SIM2: variants seen among roughly 807,000 people sequenced by gnomAD.
SIM2 encodes the protein SIM bHLH transcription factor 2.
A neutral mutation model predicts 64.8 loss-of-function variants in SIM2; 28 were observed. That is an observed-to-expected ratio of 0.43 (90% CI 0.32 to 0.59). The LOEUF (loss-of-function observed/expected upper bound fraction) is 0.59, where lower values mean the gene tolerates loss of function less well. SIM2 is among the 20% of genes least tolerant of loss of function. The pLI, the probability that SIM2 is intolerant of heterozygous loss-of-function variation, is 0.07. For synonymous variants in SIM2, 408 were observed against 391.1 expected (o/e 1.04, Z -0.51); for missense variants, 847 against 871.4 (o/e 0.97, Z 0.35).
At chr21:36,723,534 G>A (rs556681313) in intron 5 of SIM2, among the ~76,000 whole-genome samples, 3 of 152,292 alleles carry the variant, frequency 2.0e-5, no homozygotes, top group Admixed American at 6.5e-5. Flanking sequence ...GTTCCCTGCC[G>A]CCGATGACGG....
At position 36,748,131 on chromosome 21, in the gene SIM2, C is replaced by G. The variant is rs1299931855; in HGVS notation, c.*39C>G. On this transcript the variant is annotated 3_prime_UTR_variant, in exon 11 of 11. Coordinates refer to ENST00000290399, the MANE Select transcript of SIM2 (RefSeq NM_005069.6). ...CGCGCCAGGAGCCTGGACCCGGCCT[C>G]CCGGGGCTGCGGCGCCACCGAGCCC... 8.8e-7 allele frequency: 1 copy of G among 1,133,552 alleles called. No individual in the cohort carries two copies. The highest frequency in any genetic ancestry group is 1.6e-5 in the African/African-American group (1 of 61,402). The allele number at this position is 1,133,552 out of a possible 1,614,324, so 70.2% of individuals were successfully genotyped here.
chr21:36,712,904 G>A (rs976238031), intron 3 of SIM2, among the ~76,000 whole-genome samples: 13 of 152,152 alleles, frequency 8.5e-5, no homozygotes, highest in Non-Finnish European at 1.8e-4. Context: ...CGGACTATCT[G>A]CTTATGTAGT....
At chr21:36,723,552 C>A (rs2088852237) in intron 5 of SIM2, among the ~76,000 whole-genome samples, 1 of 152,204 alleles carries the variant, frequency 6.6e-6, no homozygotes, top group Non-Finnish European at 1.5e-5. Context: ...CGGTGTGCAC[C>A]ACAATAATGC....
intron 1 of SIM2, among the ~76,000 whole-genome samples, chr21:36,708,410 G>A (rs556877183): frequency 6.6e-6 from 1 of 152,358 alleles, no homozygotes; most frequent in Non-Finnish European, 1.5e-5. Context: ...TGGTGAAGAA[G>A]GGCAGGAGGC....
chr21:36,720,464 A>G (rs2088810493), intron 4 of SIM2: 2 of 154,714 alleles, frequency 1.3e-5, no homozygotes, highest in Non-Finnish European at 1.4e-5. Flanking sequence ...TATCATAGGA[A>G]AGTTTTGCAG....
rs2088845893 is a variant in SIM2, at chr21:36,723,109, C to A, written c.522C>A (p.Gly174=). 1.2e-6 allele frequency: 2 copies of A among 1,614,036 alleles called. No individual in the cohort carries two copies. Among genetic ancestry groups the A allele is most frequent in the Non-Finnish European group, 1.7e-6 (2 of 1,179,970 alleles). ...MKCVLAKRNA[G]LTCSGYKVIH... Reference sequence around the variant, plus strand: ...GTGTCTTGGCGAAAAGGAACGCGGGCCTGACCTGCAGCGGATACAAGGTAC... The same window carrying A: ...GTGTCTTGGCGAAAAGGAACGCGGGACTGACCTGCAGCGGATACAAGGTAC... Residue 174 remains glycine (G), a synonymous_variant, in exon 5 of 11, where the codon GGC becomes GGA. Transcript: ENST00000290399.
In SIM2 at chr21:36,747,705, GC is replaced by G; in HGVS notation, c.1622del (p.Pro541ArgfsTer165). 3.1e-6 allele frequency: 4 copies of G among 1,281,334 alleles called. No homozygotes were observed. The highest frequency in any genetic ancestry group is 2.4e-5 in the South Asian group (1 of 41,116). 79.4% of individuals were successfully genotyped at this position (1,281,334 alleles called of 1,614,324 possible). A position where few individuals can be genotyped will look rare whatever the true frequency, so the allele number is the denominator to read the frequency against. ...AVRRFGEDTAPPSFPSCGHYR... is the reference protein window; with the variant it reads ...AVRRFGEDTAXPSFPSCGHYR... ...TGCGCAGGTTCGGCGAGGACACCGC[GC>G]CCCCGAGCTTCCCGAGCTGCGGCCA... On this transcript the variant is annotated frameshift_variant, in exon 11 of 11. Coordinates refer to ENST00000290399, the MANE Select transcript of SIM2 (RefSeq NM_005069.6). LOFTEE classifies it low-confidence loss of function (END_TRUNC). The surrounding 1 kb of genome is among the most constrained non-coding windows in gnomAD (Gnocchi z 4.5).
At chr21:36,723,015 C>T (rs754449857) in intron 4 of SIM2, 30 bp from the exon 5 acceptor site, 41 of 1,578,898 alleles carry the variant, frequency 2.6e-5, no homozygotes, top group Non-Finnish European at 3.1e-5. Context: ...GGAGGGACAG[C>T]TGCCAACCTC....
intron 7 of SIM2, 134 bp downstream of exon 7, chr21:36,731,285 G>C (rs1254890112): frequency 4.7e-6 from 3 of 636,412 alleles, no homozygotes; most frequent in Non-Finnish European, 8.0e-6. Context: ...CAAGCCCCAA[G>C]TGTGGCTTCC....
rs574175218 is a variant in SIM2, at chr21:36,722,785, G to A, written c.458-260G>A. On this transcript the variant is annotated intron_variant, in intron 4 of 10. Coordinates refer to ENST00000290399, the MANE Select transcript of SIM2 (RefSeq NM_005069.6). Reference sequence around the variant, plus strand: ...GGGCGACGGCAGGTGGAGCTCTGCAGGGCCCATCAGGGGCCTCAGGGGTGG... The same window carrying A: ...GGGCGACGGCAGGTGGAGCTCTGCAAGGCCCATCAGGGGCCTCAGGGGTGG... Among the ~76,000 whole-genome samples, 217 of 152,332 alleles carry A rather than the reference G, an allele frequency of 1.4e-3. 2 individuals are homozygous for A. Among genetic ancestry groups the A allele is most frequent in the Non-Finnish European group, 2.2e-4 (15 of 68,032 alleles).
chr21:36,740,088 G>A (rs1209869368), intron 7 of SIM2, among the ~76,000 whole-genome samples: 2 of 150,896 alleles, frequency 1.3e-5, no homozygotes, highest in Admixed American at 6.6e-5. Flanking sequence ...TAGATTAGCC[G>A]GTGTCACCTG....
Position 36,731,117 on chromosome 21 carries a change from C to T in SIM2, c.816C>T (p.Cys272=), listed in dbSNP as rs777141819. The change falls in exon 7 of 11, where the codon TGC becomes TGT. Residue 272 remains cysteine, a synonymous_variant. Coordinates refer to ENST00000290399, the MANE Select transcript of SIM2 (RefSeq NM_005069.6). The part of the protein sequence containing the change: ...EKTLYHHVHG[C]DVFHLRYAHH... ...CCCTATACCATCACGTGCACGGCTG[C>T]GACGTGTTCCACCTCCGCTACGCAC... The T allele has an allele frequency of 1.7e-5, 28 of 1,613,826 alleles. No individual in the cohort carries two copies. The highest frequency in any genetic ancestry group is 4.0e-5 in the African/African-American group (3 of 74,924).
chr21:36,741,179 C>T (rs1381915888), intron 7 of SIM2, among the ~76,000 whole-genome samples: 1 of 152,194 alleles, frequency 6.6e-6, no homozygotes, highest in Non-Finnish European at 1.5e-5. Flanking sequence ...CCAAGGAAAA[C>T]TGGGATTAAT....
chr21:36,738,849 G>A lies in SIM2; in HGVS notation c.851-2868G>A, dbSNP rs542867012. ...TGCCTATACCCTTGAGCAGTGATCT[G>A]AGTCGGCTGAGATGCAGATGTTAAG... is the stretch of plus-strand genomic sequence containing the variant. On this transcript the variant is annotated intron_variant, in intron 7 of 10. Transcript: ENST00000290399. Among the ~76,000 whole-genome samples the A allele has an allele frequency of 3.3e-5, 5 of 152,368 alleles. No homozygotes were observed. In the East Asian group the frequency reaches 7.7e-4, roughly 23 times the overall value.
Position 36,724,353 on chromosome 21 carries a change from A to T in SIM2, c.543+1223A>T, listed in dbSNP as rs149437513. ...GAGTCCAGTGGTGCAATCACAGCTC[A>T]CTGGAGCCTCAAACTCCTGGGCTCA... On this transcript the variant is annotated intron_variant, in intron 5 of 10. Transcript: ENST00000290399. Among the ~76,000 whole-genome samples, 827 of 152,284 alleles carry T rather than the reference A, an allele frequency of 5.4e-3. 8 individuals carry two copies. The highest frequency in any genetic ancestry group is 0.018 in the African/African-American group (753 of 41,554).
intron 3 of SIM2, among the ~76,000 whole-genome samples, chr21:36,717,169 A>G (rs1209352421): frequency 1.3e-5 from 2 of 152,208 alleles, no homozygotes; most frequent in Admixed American, 6.5e-5. Context: ...CTCTGAAAAC[A>G]TAAGAACCTA....
chr21:36,747,134 CGAAACCGAT>C lies in SIM2; in HGVS notation c.1577-530_1577-522del, dbSNP rs1246769125. ...GTGGTTATTTTTCATTATGACACGG[CGAAACCGAT>C]CGGGGTGGTTACCACCCCTCTCCAC... On this transcript the variant is annotated intron_variant, in intron 10 of 10. Transcript: ENST00000290399. This position sits in a 1 kb window ranked among gnomAD's most constrained non-coding sequence, Gnocchi z 4.5. Among the ~76,000 whole-genome samples the C allele has an allele frequency of 6.6e-6, 1 of 152,056 alleles. No individual in the cohort carries two copies. The highest frequency in any genetic ancestry group is 1.5e-5 in the Non-Finnish European group (1 of 68,004).
intron 6 of SIM2, among the ~76,000 whole-genome samples, chr21:36,728,117 G>A (rs1280866741): frequency 6.6e-6 from 1 of 152,214 alleles, no homozygotes; most frequent in Non-Finnish European, 1.5e-5. Context: ...CAGCCAAGCT[G>A]CCCCAGCCAG....
chr21:36,702,827 A>G (rs2088521751), intron 1 of SIM2, among the ~76,000 whole-genome samples: 1 of 151,704 alleles, frequency 6.6e-6, no homozygotes, highest in South Asian at 2.1e-4. Context: ...TCGGGCTCTC[A>G]GCTGCAAGGT....
Sources: gnomAD v4.1 joint callset for allele counts (sites outside exome capture counted in the v4.1 genomes callset) on GRCh38, gnomAD v4.1.1 for gene constraint, Gnocchi (gnomAD v3.1) non-coding constraint, MANE v1.5 for transcripts, NCBI Gene and HGNC (gene_info 2026-07-23, HGNC 2026-07-21) for gene names.